Variants in TENM2 observed in about 807,000 individuals in gnomAD.
TENM2 encodes teneurin-2.
Under a neutral mutation model 245.2 loss-of-function variants are expected in TENM2, and 52 were observed. That is an observed-to-expected ratio of 0.21 (90% CI 0.17 to 0.27). The LOEUF is 0.27. Among genes scored for constraint, TENM2 ranks in the 10% least tolerant of loss-of-function variants. TENM2 has a pLI of 1.00. For missense variants in TENM2, 3,046 were observed against 3,666.8 expected (o/e 0.83, Z 4.37); for synonymous variants, 1,363 against 1,438.9 (o/e 0.95, Z 1.19).
At chr5:167,788,163 G>C (rs1764710251) in intron 2 of TENM2, among the ~76,000 whole-genome samples, 2 of 152,144 alleles carry the variant, frequency 1.3e-5, no homozygotes, top group African/African-American at 4.8e-5. Flanking sequence ...CAGAAAATGG[G>C]TTCAGATCCT....
chr5:167,755,501 T>C (rs1185809933), intron 2 of TENM2, among the ~76,000 whole-genome samples: 1 of 151,862 alleles, frequency 6.6e-6, no homozygotes, highest in African/African-American at 2.4e-5. Context: ...TAAAATGGAA[T>C]TTATTAACTG....
At chr5:167,327,169 T>C (rs1033553464) in intron 1 of TENM2, among the ~76,000 whole-genome samples, 1 of 152,048 alleles carries the variant, frequency 6.6e-6, no homozygotes, top group South Asian at 2.1e-4. Flanking sequence ...ATGCTATCCC[T>C]CCCCGCTCCC....
At chr5:168,013,296 A>G (rs1277231912) in intron 5 of TENM2, among the ~76,000 whole-genome samples, 1 of 152,188 alleles carries the variant, frequency 6.6e-6, no homozygotes, top group Non-Finnish European at 1.5e-5. Flanking sequence ...TGATTAGAGT[A>G]CTTGAATATT....
At chr5:168,029,641 G>A (rs557619413) in intron 5 of TENM2, among the ~76,000 whole-genome samples, 1 of 152,280 alleles carries the variant, frequency 6.6e-6, no homozygotes, top group Admixed American at 6.5e-5. Flanking sequence ...CCACAGTCAG[G>A]GCTGACCAGA....
chr5:167,179,328 C>T, the TENM2 span, among the ~76,000 whole-genome samples: 1 of 152,216 alleles, frequency 6.6e-6, no homozygotes, highest in East Asian at 1.9e-4. Context: ...TTTCATTGTA[C>T]GTACTAACGG....
At chr5:167,802,126 A>G (rs1489877643) in intron 2 of TENM2, among the ~76,000 whole-genome samples, 1 of 152,150 alleles carries the variant, frequency 6.6e-6, no homozygotes, top group Non-Finnish European at 1.5e-5. Context: ...TTATGAAGTC[A>G]TTAATCCATT....
chr5:167,926,742 A>T (rs1777796660), intron 3 of TENM2, among the ~76,000 whole-genome samples: 1 of 150,968 alleles, frequency 6.6e-6, no homozygotes, highest in African/African-American at 2.4e-5. Context: ...ACACACACAC[A>T]CACACACACA....
intron 2 of TENM2, among the ~76,000 whole-genome samples, chr5:167,532,461 G>A (rs1771572688): frequency 6.6e-6 from 1 of 152,070 alleles, no homozygotes; most frequent in African/African-American, 2.4e-5. Context: ...AGGCAAGGAG[G>A]AGCAAGTCAC....
intron 2 of TENM2, among the ~76,000 whole-genome samples, chr5:167,812,746 G>A (rs1397401584): frequency 6.6e-6 from 1 of 152,212 alleles, no homozygotes; most frequent in African/African-American, 2.4e-5. Context: ...AAGCCAAGGA[G>A]AACCATCTTT....
At chr5:167,375,447 A>T in exon 2 of TENM2, 1 of 1,551,760 alleles carries the variant, frequency 6.4e-7, no homozygotes. Flanking sequence ...GACTCTGACA[A>T]CGAAAACAAA....
At chr5:167,692,798 C>A (rs764953306) in intron 2 of TENM2, among the ~76,000 whole-genome samples, 16 of 152,238 alleles carry the variant, frequency 1.1e-4, no homozygotes, top group Admixed American at 2.6e-4. Flanking sequence ...CCCAAATGGC[C>A]TTTGGGCTTT....
intron 2 of TENM2, among the ~76,000 whole-genome samples, chr5:167,583,652 A>G (rs1775266061): frequency 6.6e-6 from 1 of 152,200 alleles, no homozygotes; most frequent in African/African-American, 2.4e-5. Flanking sequence ...TTAATGGAGC[A>G]CTTACAACGC....
Position 168,249,874 on chromosome 5 carries a change from GGAAAA to G in TENM2, c.7432+1514_7432+1518del, listed in dbSNP as rs535710392. On this transcript the variant is annotated intron_variant, in intron 27 of 28. Coordinates refer to ENST00000518659, the Ensembl canonical transcript of TENM2. ...ACCCATCTCACAAAAAGAAATGAAA[GGAAAA>G]GAAAAGAAAAAGAAATTGGTGAAAT... Among the ~76,000 whole-genome samples the G allele has an allele frequency of 9.9e-3, 1,499 of 151,818 alleles. 8 individuals are homozygous for G. The highest frequency in any genetic ancestry group is 0.017 in the Middle Eastern group (5 of 294).
chr5:168,247,768 A>G lies in TENM2; in HGVS notation c.6829A>G (p.Ile2277Val). The stretch of plus-strand genomic sequence containing the variant: ...CTATCTGTGCCAGAGAGGGTCTGAC[A>G]TCTTCGAATACAATTCCAAGGGCCT... Residue 2277 changes from isoleucine to valine, a missense_variant, in exon 27 of 29, where the codon ATC becomes GTC. This residue lies in a region of TENM2 where 2,704 missense variants were observed against 3,331.9 expected (regional missense o/e 0.81). Coordinates refer to ENST00000518659, the Ensembl canonical transcript of TENM2. This position sits in a 1 kb window ranked among gnomAD's most constrained non-coding sequence, Gnocchi z 7.8. 3.1e-6 allele frequency: 5 copies of G among 1,613,970 alleles called. No homozygotes were observed. The highest frequency in any genetic ancestry group is 4.2e-6 in the Non-Finnish European group (5 of 1,179,868).
At chr5:168,002,729 T>A (rs1784504867) in intron 5 of TENM2, among the ~76,000 whole-genome samples, 1 of 152,248 alleles carries the variant, frequency 6.6e-6, no homozygotes, top group South Asian at 2.1e-4. Context: ...AAATATTTGT[T>A]ACTCTGTACA....
chr5:167,150,067 T>C, the TENM2 span, among the ~76,000 whole-genome samples: 1 of 152,114 alleles, frequency 6.6e-6, no homozygotes, highest in Non-Finnish European at 1.5e-5. Context: ...TAGTCTCCAC[T>C]GGAGAATACA....
intron 2 of TENM2, among the ~76,000 whole-genome samples, chr5:167,494,033 G>A (rs1002717655): frequency 6.6e-6 from 1 of 152,110 alleles, no homozygotes; most frequent in African/African-American, 2.4e-5. Context: ...TAGCCCTCAT[G>A]GGGAAAAATA....
intron 2 of TENM2, among the ~76,000 whole-genome samples, chr5:167,486,335 T>C (rs531393199): frequency 6.6e-6 from 1 of 150,838 alleles, no homozygotes; most frequent in South Asian, 2.1e-4. Flanking sequence ...TCTTTTTTTT[T>C]TTTTTTCTTT....
chr5:167,601,418 C>G (rs1433373440), intron 2 of TENM2, among the ~76,000 whole-genome samples: 1 of 152,248 alleles, frequency 6.6e-6, no homozygotes, highest in African/African-American at 2.4e-5. Context: ...TGGGACAATG[C>G]TGGTCTACAA....
Sources: allele counts gnomAD v4.1 joint callset (sites outside exome capture counted in the v4.1 genomes callset), GRCh38; gene constraint gnomAD v4.1.1; regional missense constraint gnomAD v4.1.1; non-coding constraint Gnocchi (gnomAD v3.1); transcripts MANE v1.5; gene names NCBI Gene and HGNC (gene_info 2026-07-23, HGNC 2026-07-21).